Variants in SLC36A4 observed in about 807,000 individuals in gnomAD.
SLC36A4 encodes the protein solute carrier family 36 member 4.
A neutral mutation model predicts 50.5 loss-of-function variants in SLC36A4; 49 were observed. The observed-to-expected ratio is 0.97, with a 90% CI of 0.77 to 1.23. The LOEUF (loss-of-function observed/expected upper bound fraction) is 1.23. SLC36A4 is among the 50% of genes most tolerant of loss of function. The probability of loss-of-function intolerance (pLI) is 0.00; values close to 1 mark genes in which losing one functional copy is unlikely to be tolerated. For missense variants in SLC36A4, 611 were observed against 608.4 expected (o/e 1.00, Z -0.05); for synonymous variants, 207 against 206.5 (o/e 1.00, Z -0.02).
rs758633779 is a variant in SLC36A4 at position 93,154,069 on chromosome 11, TA to T, written c.1207+38del. ...ATATAGCTTTCAAGAAATTGAACAA[TA>T]AAAAATTATTATGATATAAATATAT... On this transcript the variant is annotated intron_variant, in intron 10 of 10. Coordinates refer to ENST00000326402, the MANE Select transcript of SLC36A4 (RefSeq NM_152313.4). The T allele has an allele frequency of 6.5e-4, 637 of 977,366 alleles. 6 individuals carry two copies. The African/African-American group carries it at 0.01, about 16-fold the overall frequency. The allele number at this position is 977,366 out of a possible 1,614,324, so 60.5% of individuals were successfully genotyped here.
chr11:93,174,014 T>C (rs1280818590), intron 6 of SLC36A4, among the ~76,000 whole-genome samples: 2 of 149,970 alleles, frequency 1.3e-5, no homozygotes, highest in Non-Finnish European at 3.0e-5. Flanking sequence ...GGGGATGGCA[T>C]TGAATCTGTA....
At chr11:93,163,709 C>G (rs1024164897) in intron 8 of SLC36A4, among the ~76,000 whole-genome samples, 1 of 152,202 alleles carries the variant, frequency 6.6e-6, no homozygotes, top group African/African-American at 2.4e-5. Context: ...AAATCCAGCT[C>G]CTTCTCTGGG....
intron 8 of SLC36A4, 23 bp from the exon 9 acceptor site, chr11:93,162,898 T>G (rs1051663075): frequency 1.1e-5 from 17 of 1,601,114 alleles, no homozygotes; most frequent in Non-Finnish European, 1.4e-5. Flanking sequence ...TACAATACTT[T>G]TTTTTAAGGG....
intron 4 of SLC36A4, chr11:93,182,238 CTCTT>C: frequency 1.3e-6 from 1 of 777,500 alleles, no homozygotes; most frequent in Non-Finnish European, 1.6e-6. Flanking sequence ...TCTCCATTCT[CTCTT>C]TTTTTTTCCC....
At chr11:93,159,147 C>T (rs1860505489) in intron 9 of SLC36A4, among the ~76,000 whole-genome samples, 1 of 151,908 alleles carries the variant, frequency 6.6e-6, no homozygotes, top group Non-Finnish European at 1.5e-5. Context: ...ATGATTTATG[C>T]TTGGAAACAA....
intron 1 of SLC36A4, among the ~76,000 whole-genome samples, chr11:93,186,544 G>C (rs1363298903): frequency 6.6e-6 from 1 of 151,700 alleles, no homozygotes; most frequent in Non-Finnish European, 1.5e-5. Flanking sequence ...TATCTTGTTT[G>C]ACTGTTTTAA....
At chr11:93,196,447 A>C (rs1400985738) in intron 1 of SLC36A4, among the ~76,000 whole-genome samples, 1 of 152,156 alleles carries the variant, frequency 6.6e-6, no homozygotes, top group African/African-American at 2.4e-5. Flanking sequence ...GCTCACGGCA[A>C]GCTCCGCCTC....
chr11:93,174,830 T>C lies in SLC36A4; in HGVS notation c.540+5967A>G, dbSNP rs1393495561. 5.8e-5 allele frequency among the ~76,000 whole-genome samples: 7 copies of C among 120,116 alleles called. 1 individual carries two copies. Among genetic ancestry groups the C allele is most frequent in the Non-Finnish European group, 1.2e-4 (7 of 56,050 alleles). 78.8% of individuals were successfully genotyped at this position (120,116 alleles called of 152,430 possible). A position where few individuals can be genotyped will look rare whatever the true frequency, so the allele number is the denominator to read the frequency against. On this transcript the variant is annotated intron_variant, in intron 6 of 10. Transcript: ENST00000326402. The stretch of plus-strand genomic sequence containing the variant: ...ATCATGGTCGATAAGCTTTTTGATG[T>C]GCTGCTGGATTTGGTTTGCCAGTAT...
At chr11:93,186,340 C>T (rs1177572392) in intron 1 of SLC36A4, among the ~76,000 whole-genome samples, 1 of 152,118 alleles carries the variant, frequency 6.6e-6, no homozygotes. Flanking sequence ...TTCAGGTTAA[C>T]ATTGATGCAA....
In SLC36A4 at chr11:93,168,099, T is replaced by G. The variant is rs764952824; in HGVS notation, c.613A>C (p.Arg205=). The G allele has an allele frequency of 4.3e-6, 7 of 1,612,552 alleles. No individual in the cohort carries two copies. In the South Asian group the frequency reaches 6.6e-5, roughly 15 times the overall value. ...STNSSNPCER[R]SVDLRIYMLC... The stretch of plus-strand genomic sequence containing the variant: ...ATATATATCCTTAGGTCAACACTTC[T>G]TCTCTCACAAGGGTTTGATGAATTG... Residue 205 remains arginine (R), a synonymous_variant, in exon 7 of 11, where the codon AGA becomes CGA. Transcript: ENST00000326402.
chr11:93,162,774 A>G lies in SLC36A4; in HGVS notation c.969T>C (p.Thr323=), dbSNP rs768729967. ...CATCATGGAAACACATATATCCTAA[A>G]GTAGCTAATGTTACATACAAAGTTG... The part of the protein sequence containing the change: ...IVTTLYVTLA[T]LGYMCFHDEI... Residue 323 remains threonine (T), a synonymous_variant, in exon 9 of 11, where the codon ACT becomes ACC. Transcript: ENST00000326402. 1.9e-6 allele frequency: 3 copies of G among 1,613,696 alleles called. No homozygotes were observed. In the East Asian group the frequency reaches 6.7e-5, roughly 36 times the overall value.
chr11:93,178,427 C>G (rs1861589362), intron 6 of SLC36A4, among the ~76,000 whole-genome samples: 1 of 152,168 alleles, frequency 6.6e-6, no homozygotes, highest in South Asian at 2.1e-4. Context: ...GTGAGATGAA[C>G]CCAGTACCTC....
intron 8 of SLC36A4, among the ~76,000 whole-genome samples, chr11:93,163,264 A>T (rs1860713800): frequency 6.6e-6 from 1 of 152,220 alleles, no homozygotes; most frequent in South Asian, 2.1e-4. Flanking sequence ...ATATTGGTAC[A>T]TCACTATTAA....
rs1862473156 is a variant in SLC36A4 at position 93,197,397 on chromosome 11, G to A, written c.55+381C>T. On this transcript the variant is annotated intron_variant, in intron 1 of 10. Coordinates refer to ENST00000326402, the MANE Select transcript of SLC36A4 (RefSeq NM_152313.4). ...GATTCATCTGGAGATTCCGAATGGG[G>A]CTGCAGCATTTGAAAAGCAGAACAA... 4 of 298,192 alleles carry A rather than the reference G, an allele frequency of 1.3e-5. No individual in the cohort carries two copies. The Admixed American group carries it at 2.1e-4, about 16-fold the overall frequency. The allele number at this position is 298,192 out of a possible 1,614,324, so 18.5% of individuals were successfully genotyped here.
intron 3 of SLC36A4, 49 bp from the exon 4 acceptor site, chr11:93,182,943 G>C: frequency 1.5e-6 from 2 of 1,332,212 alleles, no homozygotes; most frequent in Non-Finnish European, 2.1e-6. Flanking sequence ...CAGAAATTGA[G>C]TAATCTTATA....
At chr11:93,182,739 A>G in intron 4 of SLC36A4, 67 bp downstream of exon 4, 2 of 1,173,490 alleles carry the variant, frequency 1.7e-6, no homozygotes, top group East Asian at 4.8e-5. Flanking sequence ...AGTAGAATAT[A>G]AGACTATCTG....
chr11:93,184,623 A>T, intron 2 of SLC36A4, 103 bp from the exon 3 acceptor site: 1 of 693,836 alleles, frequency 1.4e-6, no homozygotes. Flanking sequence ...AATCTAGGCA[A>T]GGAACCAAAT....
At chr11:93,197,547 C>G in intron 1 of SLC36A4, 1 of 550,416 alleles carries the variant, frequency 1.8e-6, no homozygotes, top group Non-Finnish European at 3.2e-6. Flanking sequence ...CACGCGCGCG[C>G]GCAAACACAC....
chr11:93,155,714 T>A (rs1332273869), intron 9 of SLC36A4, among the ~76,000 whole-genome samples: 1 of 152,018 alleles, frequency 6.6e-6, no homozygotes, highest in Non-Finnish European at 1.5e-5. Context: ...TTTTTTCTGA[T>A]CCTCTCCCTC....
Sources: gnomAD v4.1 joint callset for allele counts (sites outside exome capture counted in the v4.1 genomes callset) on GRCh38, gnomAD v4.1.1 for gene constraint, MANE v1.5 for transcripts, NCBI Gene and HGNC (gene_info 2026-07-23, HGNC 2026-07-21) for gene names.